Variants in PI4KA observed in about 807,000 individuals in gnomAD.
The protein encoded by PI4KA is phosphatidylinositol 4-kinase alpha, also known as PI4-kinase alpha.
PI4KA carries 122 observed loss-of-function variants against 271.4 expected under a neutral mutation model. That is an observed-to-expected ratio of 0.45 (90% CI 0.39 to 0.52). PI4KA has a LOEUF of 0.52. Ranked by LOEUF, PI4KA falls within the 20% of genes least tolerant of loss-of-function variation. The pLI is 0.00. For synonymous variants in PI4KA, 1,041 were observed against 1,078.8 expected, an observed-to-expected ratio of 0.96 and a Z score of 0.69; for missense variants, 1,969 against 2,769.1, an observed-to-expected ratio of 0.71 and a Z score of 6.48.
Position 20,718,646 on chromosome 22 carries a change from G to A in PI4KA, c.5246+47C>T. 2.5e-6 allele frequency: 4 copies of A among 1,601,242 alleles called. No individual in the cohort carries two copies. The East Asian group carries it at 6.7e-5, about 27-fold the overall frequency. ...CCAGGCAATTCTGTTAAGCTGCAGGGACTGGAAGGAGATCCCAGAAGGTGG... is the reference window on the plus strand; with the variant it reads ...CCAGGCAATTCTGTTAAGCTGCAGGAACTGGAAGGAGATCCCAGAAGGTGG... On this transcript the variant is annotated intron_variant, in intron 44 of 54. Coordinates refer to ENST00000255882, the MANE Select transcript of PI4KA (RefSeq NM_058004.4).
chr22:20,824,779 C>CA (rs1491319952), intron 3 of PI4KA, among the ~76,000 whole-genome samples: 48 of 124,476 alleles, frequency 3.9e-4, no homozygotes, highest in African/African-American at 1.5e-3. Flanking sequence ...CACACACACA[C>CA]AAAACACTCG....
Position 20,844,444 on chromosome 22 carries a change from C to A in PI4KA, c.157-5713G>T, listed in dbSNP as rs1038424490. 2.6e-5 allele frequency among the ~76,000 whole-genome samples: 4 copies of A among 152,298 alleles called. No homozygotes were observed. In the East Asian group the frequency reaches 5.8e-4, roughly 22 times the overall value. On this transcript the variant is annotated intron_variant, in intron 1 of 54. Coordinates refer to ENST00000255882, the MANE Select transcript of PI4KA (RefSeq NM_058004.4). ...CTGCCTTACTGAATGAATGGAGGGA[C>A]GGATGGAAGAACTCTCAAATGAAGT... is the stretch of plus-strand genomic sequence containing the variant.
chr22:20,725,353 T>C, intron 42 of PI4KA: 1 of 227,602 alleles, frequency 4.4e-6, no homozygotes, highest in Non-Finnish European at 9.6e-6. Context: ...TGCCATGACC[T>C]GTGCTGAGCA....
At chr22:20,728,306 T>C (rs1416861653) in intron 39 of PI4KA, among the ~76,000 whole-genome samples, 4 of 152,228 alleles carry the variant, frequency 2.6e-5, no homozygotes, top group African/African-American at 9.6e-5. Context: ...CTAAATGTTC[T>C]ATTATGCCAC....
intron 23 of PI4KA, among the ~76,000 whole-genome samples, chr22:20,756,882 G>A (rs191466104): frequency 2.6e-4 from 39 of 152,232 alleles, no homozygotes; most frequent in African/African-American, 8.4e-4. Context: ...TGCCCACCTC[G>A]GCTCCCAAAG....
chr22:20,714,147 T>C (rs1425806950), intron 47 of PI4KA, among the ~76,000 whole-genome samples: 1 of 152,010 alleles, frequency 6.6e-6, no homozygotes, highest in East Asian at 1.9e-4. Flanking sequence ...CCTCCAGAAC[T>C]GAGATCGTCC....
intron 19 of PI4KA, among the ~76,000 whole-genome samples, chr22:20,773,133 C>T (rs1932966786): frequency 6.6e-6 from 1 of 152,098 alleles, no homozygotes; most frequent in Non-Finnish European, 1.5e-5. Flanking sequence ...CGCATGTAAT[C>T]CCAGCACTTT....
At chr22:20,779,074 A>G in intron 19 of PI4KA, 1 of 1,030,514 alleles carries the variant, frequency 9.7e-7, no homozygotes, top group Non-Finnish European at 1.4e-6. Flanking sequence ...ATTTTCATCA[A>G]GGGGCCCACA....
intron 36 of PI4KA, among the ~76,000 whole-genome samples, chr22:20,732,337 G>A (rs1337255803): frequency 3.9e-5 from 6 of 152,308 alleles, no homozygotes; most frequent in South Asian, 4.1e-4. Flanking sequence ...CCAAGATTGC[G>A]CTACTGCACT....
Position 20,751,642 on chromosome 22 carries a change from G to A in PI4KA, c.3069+32C>T, listed in dbSNP as rs768135127. ...GCGGGGTGGTGGTAGAGCGGGTGGT[G>A]TTTGGGCCCTAGGTCTCCTGGGGAC... On this transcript the variant is annotated intron_variant, in intron 26 of 54. Transcript: ENST00000255882. 22 of 1,579,992 alleles carry A rather than the reference G, an allele frequency of 1.4e-5. No individual in the cohort carries two copies. In the South Asian group the frequency reaches 2.3e-4, roughly 17 times the overall value.
At chr22:20,856,973 A>G (rs992450230) in intron 1 of PI4KA, among the ~76,000 whole-genome samples, 5 of 152,200 alleles carry the variant, frequency 3.3e-5, no homozygotes, top group African/African-American at 7.2e-5. Flanking sequence ...GCAATCAGTC[A>G]TAAGATATAT....
intron 23 of PI4KA, among the ~76,000 whole-genome samples, chr22:20,756,512 A>ACCTGG (rs1288808157): frequency 2.0e-5 from 3 of 152,030 alleles, no homozygotes; most frequent in African/African-American, 7.2e-5. Context: ...GAGCCACCAC[A>ACCTGG]CCTGGCCTAG....
At chr22:20,756,824 T>G (rs1931362687) in intron 23 of PI4KA, among the ~76,000 whole-genome samples, 1 of 152,048 alleles carries the variant, frequency 6.6e-6, no homozygotes, top group South Asian at 2.1e-4. Context: ...AGAGATGGGT[T>G]TCATCATGTT....
At chr22:20,804,827 A>G in intron 11 of PI4KA, 147 bp downstream of exon 11, 1 of 685,328 alleles carries the variant, frequency 1.5e-6, no homozygotes, top group Non-Finnish European at 2.6e-6. Context: ...CTAATGCTCC[A>G]CTCTGCACGT....
At chr22:20,771,204 C>T (rs1250957565) in intron 19 of PI4KA, among the ~76,000 whole-genome samples, 1 of 151,928 alleles carries the variant, frequency 6.6e-6, no homozygotes. Flanking sequence ...GCGGGCGGAT[C>T]ATGAGGTTAG....
intron 22 of PI4KA, among the ~76,000 whole-genome samples, chr22:20,762,705 T>C (rs1299398381): frequency 6.6e-6 from 1 of 152,248 alleles, no homozygotes; most frequent in African/African-American, 2.4e-5. Flanking sequence ...TGGCTTGTTT[T>C]GTTTTGGCTG....
At chr22:20,825,161 G>A (rs1923247879) in intron 3 of PI4KA, among the ~76,000 whole-genome samples, 1 of 151,202 alleles carries the variant, frequency 6.6e-6, no homozygotes, top group African/African-American at 2.4e-5. Context: ...CATAGTACAT[G>A]ACAGAAGACT....
At chr22:20,752,056 C>A (rs1487778089) in intron 25 of PI4KA, among the ~76,000 whole-genome samples, 1 of 152,204 alleles carries the variant, frequency 6.6e-6, no homozygotes, top group Non-Finnish European at 1.5e-5. Flanking sequence ...CCAAAGCAAT[C>A]CTCTTAGTTT....
At chr22:20,724,841 C>T (rs766756243) in intron 42 of PI4KA, among the ~76,000 whole-genome samples, 2 of 151,992 alleles carry the variant, frequency 1.3e-5, no homozygotes, top group Non-Finnish European at 2.9e-5. Flanking sequence ...GAGAGCCAAG[C>T]AGTCAAGGGA....
Sources: allele counts gnomAD v4.1 joint callset (sites outside exome capture counted in the v4.1 genomes callset), GRCh38; gene constraint gnomAD v4.1.1; transcripts MANE v1.5; gene names NCBI Gene and HGNC (gene_info 2026-07-23, HGNC 2026-07-21).